The following MAGI2 variants were observed in gnomAD, a reference collection of about 807,000 sequenced individuals.
The protein encoded by MAGI2 is membrane-associated guanylate kinase, WW and PDZ domain-containing protein 2.
In MAGI2, 35 loss-of-function variants were observed where a neutral mutation model predicts 133.3. The ratio of observed to expected loss-of-function variants is 0.26; its 90% CI spans 0.20 to 0.35. The LOEUF (loss-of-function observed/expected upper bound fraction) is 0.35, where lower values mean the gene tolerates loss of function less well. Among genes scored for constraint, MAGI2 ranks in the 10% least tolerant of loss-of-function variants. MAGI2 has a pLI of 1.00. For synonymous variants in MAGI2, 729 were observed against 710.6 expected, an observed-to-expected ratio of 1.03 and a Z score of -0.41; for missense variants, 1,636 against 1,863.4, an observed-to-expected ratio of 0.88 and a Z score of 2.25.
At chr7:78,600,617 A>T (rs1339774619) in intron 3 of MAGI2, among the ~76,000 whole-genome samples, 1 of 152,200 alleles carries the variant, frequency 6.6e-6, no homozygotes, top group Non-Finnish European at 1.5e-5. Flanking sequence ...GCAACTATTA[A>T]TTCACAGGGG....
chr7:78,786,820 G>T (rs191053679), intron 2 of MAGI2, among the ~76,000 whole-genome samples: 1 of 152,262 alleles, frequency 6.6e-6, no homozygotes, highest in African/African-American at 2.4e-5. Context: ...CACCCCACTA[G>T]AATGGAAGCC....
intron 2 of MAGI2, among the ~76,000 whole-genome samples, chr7:78,711,959 C>T (rs1326292741): frequency 2.0e-5 from 3 of 152,094 alleles, no homozygotes; most frequent in African/African-American, 7.2e-5. Flanking sequence ...GAGTCCTAAG[C>T]TTTCTATCTT....
intron 10 of MAGI2, among the ~76,000 whole-genome samples, chr7:78,221,901 T>C (rs1313550200): frequency 2.6e-5 from 4 of 151,724 alleles, no homozygotes; most frequent in Non-Finnish European, 5.9e-5. Flanking sequence ...AATAAGAACA[T>C]TAGCTGGGCA....
At chr7:78,323,555 C>A (rs1237704877) in intron 9 of MAGI2, among the ~76,000 whole-genome samples, 1 of 152,166 alleles carries the variant, frequency 6.6e-6, no homozygotes, top group African/African-American at 2.4e-5. Flanking sequence ...GCCCTGGAAT[C>A]CTGCTTCATT....
chr7:78,146,629 T>C (rs1823333566), intron 16 of MAGI2, among the ~76,000 whole-genome samples: 2 of 152,158 alleles, frequency 1.3e-5, no homozygotes, highest in Admixed American at 6.5e-5. Context: ...AAATGTTCAA[T>C]AAAACTACAC....
At chr7:78,166,400 C>A (rs966756092) in intron 15 of MAGI2, among the ~76,000 whole-genome samples, 1 of 152,110 alleles carries the variant, frequency 6.6e-6, no homozygotes, top group African/African-American at 2.4e-5. Flanking sequence ...TAAATGTTAA[C>A]CAAGCAAGCA....
chr7:78,463,135 C>G (rs1790240804), intron 6 of MAGI2, among the ~76,000 whole-genome samples: 1 of 152,114 alleles, frequency 6.6e-6, no homozygotes, highest in African/African-American at 2.4e-5. Flanking sequence ...GGGCCTGGTG[C>G]CTGTGGTGTG....
rs1160475513 is a variant in MAGI2, at chr7:78,419,215, T to C, written c.1046-50002A>G. Among the ~76,000 whole-genome samples the C allele has an allele frequency of 2.6e-5, 4 of 152,108 alleles. No homozygotes were observed. In the South Asian group the frequency reaches 6.2e-4, roughly 24 times the overall value. ...TAGCATACTATAGTTCTCATAAGGA[T>C]AGGATCTTTTTCACAAACTACAAAG... On this transcript the variant is annotated intron_variant, in intron 6 of 21. Transcript: ENST00000354212.
chr7:78,874,094 C>T (rs1487976076), intron 2 of MAGI2, among the ~76,000 whole-genome samples: 1 of 151,988 alleles, frequency 6.6e-6, no homozygotes, highest in Non-Finnish European at 1.5e-5. Context: ...ATGAAAAACA[C>T]CTGATTCATA....
chr7:78,829,977 A>G (rs561146504), intron 2 of MAGI2, among the ~76,000 whole-genome samples: 1 of 152,198 alleles, frequency 6.6e-6, no homozygotes, highest in East Asian at 1.9e-4. Flanking sequence ...CCTATAGACT[A>G]TAGGAAATTG....
intron 9 of MAGI2, among the ~76,000 whole-genome samples, chr7:78,271,619 C>A (rs1794591975): frequency 6.6e-6 from 1 of 152,100 alleles, no homozygotes; most frequent in African/African-American, 2.4e-5. Flanking sequence ...TTAATTATTG[C>A]CTCAATTTCA....
intron 3 of MAGI2, among the ~76,000 whole-genome samples, chr7:78,611,973 T>C (rs1035000699): frequency 2.0e-5 from 3 of 152,212 alleles, no homozygotes; most frequent in Non-Finnish European, 4.4e-5. Flanking sequence ...TCCTTCTGTC[T>C]TGATATATTT....
At chr7:78,912,720 TATATATATCATTC>T (rs1366226659) in intron 2 of MAGI2, among the ~76,000 whole-genome samples, 1 of 147,128 alleles carries the variant, frequency 6.8e-6, no homozygotes, top group Non-Finnish European at 1.5e-5. Context: ...CCCCTTTATA[TATATATATCATTC>T]ATATATATAT....
intron 21 of MAGI2, among the ~76,000 whole-genome samples, chr7:78,047,902 C>T (rs1584939186): frequency 1.3e-5 from 2 of 152,348 alleles, no homozygotes; most frequent in East Asian, 1.9e-4. Flanking sequence ...TCCTAAAACC[C>T]AGCTCAGCTC....
At chr7:79,325,839 GTC>G (rs1347192835) in intron 1 of MAGI2, among the ~76,000 whole-genome samples, 1 of 152,106 alleles carries the variant, frequency 6.6e-6, no homozygotes, top group African/African-American at 2.4e-5. Context: ...GGCCATTAAA[GTC>G]TCTGTTTGAG....
chr7:78,926,904 G>C (rs369327911), intron 2 of MAGI2, among the ~76,000 whole-genome samples: 4 of 151,684 alleles, frequency 2.6e-5, no homozygotes, highest in African/African-American at 9.7e-5. Context: ...TTGTCACTGA[G>C]GGGAAACAGT....
rs141925865 is a variant in MAGI2, at chr7:78,021,666, G to A, written c.3707-1690C>T. 4.9e-3 allele frequency among the ~76,000 whole-genome samples: 750 copies of A among 152,258 alleles called. 9 individuals carry two copies. Among genetic ancestry groups the A allele is most frequent in the African/African-American group, 0.017 (707 of 41,546 alleles). On this transcript the variant is annotated intron_variant, in intron 21 of 21. Coordinates refer to ENST00000354212, the MANE Select transcript of MAGI2 (RefSeq NM_012301.4). ...ATGTGAAATTCGAATGGAACATTTT[G>A]GGCATAATGTTAACCTTCCTTCTTC...
chr7:78,285,609 T>C (rs919880370), intron 9 of MAGI2: 3 of 152,150 alleles, frequency 2.0e-5, no homozygotes, highest in Non-Finnish European at 2.9e-5. Context: ...AACTTGCCCA[T>C]GGTCGCCAGA....
At chr7:78,900,005 C>A (rs1359646622) in intron 2 of MAGI2, among the ~76,000 whole-genome samples, 1 of 152,152 alleles carries the variant, frequency 6.6e-6, no homozygotes, top group African/African-American at 2.4e-5. Context: ...AAAGTGGATG[C>A]ATTCTGAGAT....
Sources: allele counts gnomAD v4.1 joint callset (sites outside exome capture counted in the v4.1 genomes callset), GRCh38; gene constraint gnomAD v4.1.1; transcripts MANE v1.5; gene names NCBI Gene and HGNC (gene_info 2026-07-23, HGNC 2026-07-21).